OPTN: variants seen among roughly 807,000 people sequenced by gnomAD.
The protein encoded by OPTN is E3-14.7K-interacting protein.
Under a neutral mutation model 70.4 loss-of-function variants are expected in OPTN, and 54 were observed. The observed-to-expected ratio is 0.77, with a 90% CI of 0.62 to 0.96. The LOEUF (loss-of-function observed/expected upper bound fraction) is 0.96. Ranked by LOEUF, OPTN falls within the 40% of genes least tolerant of loss-of-function variation. The pLI, the probability that OPTN is intolerant of heterozygous loss-of-function variation, is 0.00. For missense variants in OPTN, 624 were observed against 673.2 expected (o/e 0.93, Z 0.81); for synonymous variants, 256 against 248.5 (o/e 1.03, Z -0.28).
At chr10:13,118,752 G>T (rs974818970) in intron 6 of OPTN, 136 bp from the exon 7 acceptor site, 14 of 791,174 alleles carry the variant, frequency 1.8e-5, no homozygotes, top group Admixed American at 3.9e-5. Flanking sequence ...AGCTGTGCTT[G>T]TTCACTAGTT....
At chr10:13,114,973 T>A (rs1252073549) in intron 5 of OPTN, among the ~76,000 whole-genome samples, 4 of 2,010 alleles carry the variant, frequency 2.0e-3, no homozygotes, top group Non-Finnish European at 3.4e-3. Context: ...TTATATATAT[T>A]TATATATAGA....
At chr10:13,125,909 TC>T (rs1309148202) in intron 10 of OPTN, 36 bp from the exon 11 acceptor site, 7 of 1,431,870 alleles carry the variant, frequency 4.9e-6, no homozygotes, top group Non-Finnish European at 6.9e-6. Flanking sequence ...TATGATATTT[TC>T]CCCAGGATTC....
chr10:13,130,133 T>TA (rs1484150758), intron 12 of OPTN, among the ~76,000 whole-genome samples: 6 of 152,074 alleles, frequency 3.9e-5, no homozygotes, highest in African/African-American at 1.4e-4. Context: ...GCACTTATAA[T>TA]ATGTCAGAGA....
Position 13,125,948 on chromosome 10 carries a change from C to A in OPTN, c.1151C>A (p.Ser384Tyr), listed in dbSNP as rs2131516590. 1 of 1,602,862 alleles carries A rather than the reference C, an allele frequency of 6.2e-7. No homozygotes were observed. Among genetic ancestry groups the A allele is most frequent in the South Asian group, 1.1e-5 (1 of 90,770 alleles). Residue 384 changes from serine to tyrosine, a missense_variant and splice_region_variant, in exon 11 of 15, where the codon TCC becomes TAC. Ser to Tyr is a moderately radical substitution (Grantham distance 144). Coordinates refer to ENST00000378747, the MANE Select transcript of OPTN (RefSeq NM_001008212.2). ...MEQAKTEDEK[S>Y]KLTVLQMTHN... ...TTTTTTAATATCTTTTTTAATAGGT[C>A]CAAATTAACTGTGCTACAGATGACA...
intron 12 of OPTN, 81 bp from the exon 13 acceptor site, chr10:13,131,986 A>G: frequency 7.1e-7 from 1 of 1,411,834 alleles, no homozygotes; most frequent in Non-Finnish European, 9.9e-7. Context: ...AGGATACAGC[A>G]CTACCTCCTC....
chr10:13,128,852 A>G (rs962622401), intron 12 of OPTN, among the ~76,000 whole-genome samples: 1 of 151,932 alleles, frequency 6.6e-6, no homozygotes, highest in African/African-American at 2.4e-5. Flanking sequence ...CTGGCTTTTT[A>G]AAAAAATGTA....
chr10:13,124,092 A>G lies in OPTN; in HGVS notation c.980A>G (p.Lys327Arg). 1 of 1,607,918 alleles carries G rather than the reference A, an allele frequency of 6.2e-7. No individual in the cohort carries two copies. ...HTKLSEAELM[K>R]KRLQEKCQAL... ...AAACTCAGCGAAGCTGAGCTAATGA[A>G]GAAGAGACTTCAAGAAAAGTAAGAA... The change falls in exon 9 of 15, where the codon AAG (lysine) becomes AGG (arginine). Residue 327 changes from lysine (K) to arginine (R), a missense_variant. Coordinates refer to ENST00000378747, the MANE Select transcript of OPTN (RefSeq NM_001008212.2).
intron 12 of OPTN, among the ~76,000 whole-genome samples, chr10:13,129,769 C>G (rs17152865): frequency 0.03 from 4,617 of 152,284 alleles, 108 homozygotes; most frequent in African/African-American, 0.06. Context: ...TCCTCACATT[C>G]TTGCATTATT....
intron 1 of OPTN, among the ~76,000 whole-genome samples, chr10:13,103,742 GCACACACACACA>G (rs771828062): frequency 3.1e-5 from 2 of 64,796 alleles, no homozygotes; most frequent in African/African-American, 6.4e-5. Context: ...ACACACACAT[GCACACACACACA>G]CACACACACA....
chr10:13,121,889 A>C (rs182091715), intron 7 of OPTN, among the ~76,000 whole-genome samples: 142 of 152,284 alleles, frequency 9.3e-4, no homozygotes, highest in African/African-American at 3.3e-3. Context: ...CTTTAACCAC[A>C]GTCTCTTGTT....
chr10:13,106,267 A>G (rs660592), intron 1 of OPTN, among the ~76,000 whole-genome samples: 108,322 of 152,072 alleles, frequency 0.71, 41,964 homozygotes, highest in Non-Finnish European at 0.88. Context: ...ACTGTTACTC[A>G]GTAAAACCCT....
At position 13,108,910 on chromosome 10, in the gene OPTN, G is replaced by GCACACACA. The variant is rs71386156; in HGVS notation, c.-11-194_-11-187dup. Reference sequence around the variant, plus strand: ...CACACACACATGCACACATGCGCGTGCACACACACACACACTTTTCTGAAG... The same window carrying GCACACACA: ...CACACACACATGCACACATGCGCGTGCACACACACACACACACACACACTTTTCTGAAG... On this transcript the variant is annotated intron_variant, in intron 2 of 14. Coordinates refer to ENST00000378747, the MANE Select transcript of OPTN (RefSeq NM_001008212.2). 1.8e-4 allele frequency: 104 copies of GCACACACA among 589,852 alleles called. 1 individual carries two copies. The highest frequency in any genetic ancestry group is 5.9e-4 in the African/African-American group (32 of 54,366). 36.5% of individuals were successfully genotyped at this position (589,852 alleles called of 1,614,324 possible). A position where few individuals can be genotyped will look rare whatever the true frequency, so the allele number is the denominator to read the frequency against.
chr10:13,115,123 A>G (rs11258205), intron 5 of OPTN, among the ~76,000 whole-genome samples: 2 of 95,432 alleles, frequency 2.1e-5, no homozygotes, highest in Admixed American at 1.6e-4. Context: ...TTATATATAT[A>G]TATAAATTTA....
At chr10:13,118,353 T>A (rs916132609) in intron 6 of OPTN, among the ~76,000 whole-genome samples, 3 of 152,216 alleles carry the variant, frequency 2.0e-5, no homozygotes, top group African/African-American at 7.2e-5. Context: ...GATTTTGAAA[T>A]CGAGAAAAAT....
chr10:13,130,448 A>AG (rs1833571411), intron 12 of OPTN, among the ~76,000 whole-genome samples: 7 of 150,416 alleles, frequency 4.7e-5, no homozygotes, highest in South Asian at 2.1e-4. Context: ...AAAAAAAAAA[A>AG]AAAAATCAGA....
chr10:13,119,502 G>A (rs1014716356), intron 7 of OPTN, among the ~76,000 whole-genome samples: 2 of 152,136 alleles, frequency 1.3e-5, no homozygotes, highest in African/African-American at 4.8e-5. Flanking sequence ...TAGGAATAAT[G>A]CTGCTATGAA....
intron 5 of OPTN, among the ~76,000 whole-genome samples, chr10:13,115,540 AATATATT>A (rs1588440782): frequency 8.3e-6 from 1 of 121,006 alleles, no homozygotes; most frequent in East Asian, 2.2e-4. Context: ...TATAATATAG[AATATATT>A]ATACATTATA....
intron 1 of OPTN, among the ~76,000 whole-genome samples, chr10:13,101,313 A>G (rs1211499308): frequency 6.6e-6 from 1 of 152,216 alleles, no homozygotes; most frequent in Non-Finnish European, 1.5e-5. Flanking sequence ...GTACAACACA[A>G]TAAAAGTAAC....
chr10:13,118,259 G>A (rs541436145), intron 6 of OPTN, among the ~76,000 whole-genome samples: 3 of 152,194 alleles, frequency 2.0e-5, no homozygotes, highest in South Asian at 2.1e-4. Context: ...AGTAGCTGCC[G>A]TTAGCATCAT....
Sources: allele counts gnomAD v4.1 joint callset (sites outside exome capture counted in the v4.1 genomes callset), GRCh38; gene constraint gnomAD v4.1.1; transcripts MANE v1.5; gene names NCBI Gene and HGNC (gene_info 2026-07-23, HGNC 2026-07-21).